The following ARAP1 variants were observed in gnomAD, a reference collection of about 807,000 sequenced individuals.
ARAP1 encodes ArfGAP with RhoGAP domain, ankyrin repeat and PH domain 1.
ARAP1 carries 76 observed loss-of-function variants against 172.2 expected under a neutral mutation model. The observed-to-expected ratio is 0.44, with a 90% CI of 0.37 to 0.53. The LOEUF is 0.53. Among genes scored for constraint, ARAP1 ranks in the 20% least tolerant of loss-of-function variants. The probability of loss-of-function intolerance (pLI) is 0.00; values close to 1 mark genes in which losing one functional copy is unlikely to be tolerated. For missense variants in ARAP1, 1,686 were observed against 1,977.5 expected (o/e 0.85, Z 2.80); for synonymous variants, 804 against 803.3 (o/e 1.00, Z -0.01).
At chr11:72,715,470 G>C (rs1241585209) in intron 3 of ARAP1, among the ~76,000 whole-genome samples, 3 of 152,206 alleles carry the variant, frequency 2.0e-5, no homozygotes, top group African/African-American at 7.2e-5. Context: ...TCTGCCTGGG[G>C]TGTGGTCATG....
chr11:72,711,705 T>TC (rs1480561269), intron 7 of ARAP1, among the ~76,000 whole-genome samples: 8 of 149,184 alleles, frequency 5.4e-5, no homozygotes, highest in African/African-American at 2.0e-4. Context: ...TTTTTTTTTT[T>TC]TTTTTTTTGA....
Position 72,701,730 on chromosome 11 carries a change from G to A in ARAP1, c.2221C>T (p.Leu741=). ...AAGCCACTGTGGCTCACGGTCGGCA[G>A]GACAACTGAGTAGTGCTTTTCCAGG... ...KPLEKHYSVV[L]PTVSHSGFLY... Residue 741 remains leucine (L), a synonymous_variant, in exon 16 of 35, where the codon CTG becomes TTG. Coordinates refer to ENST00000393609, the MANE Select transcript of ARAP1 (RefSeq NM_001040118.3). The A allele has an allele frequency of 6.2e-7, 1 of 1,614,018 alleles. No individual in the cohort carries two copies. Among genetic ancestry groups the A allele is most frequent in the African/African-American group, 1.3e-5 (1 of 75,038 alleles).
At position 72,693,366 on chromosome 11, in the gene ARAP1, T is replaced by C. The variant is rs1565210070; in HGVS notation, c.3913A>G (p.Ile1305Val). ...PSGGFHDRYF[I>V]LNSSCLRLYK... Reference sequence around the variant, plus strand: ...AGCCGCAAGCAGCTGCTGTTGAGGATGAAGTAGCGATCGTGGAAGCCACCT... The same window carrying C: ...AGCCGCAAGCAGCTGCTGTTGAGGACGAAGTAGCGATCGTGGAAGCCACCT... The change falls in exon 29 of 35, where the codon ATC (isoleucine) becomes GTC (valine). Residue 1305 changes from isoleucine to valine, a missense_variant. Ile to Val is a conservative substitution (Grantham distance 29). Coordinates refer to ENST00000393609, the MANE Select transcript of ARAP1 (RefSeq NM_001040118.3). The surrounding 1 kb of genome is among the most constrained non-coding windows in gnomAD (Gnocchi z 4.6). The C allele has an allele frequency of 2.5e-6, 4 of 1,613,822 alleles. No individual in the cohort carries two copies. In the South Asian group the frequency reaches 4.4e-5, roughly 18 times the overall value.
chr11:72,713,159 C>A lies in ARAP1; in HGVS notation c.747+17G>T, dbSNP rs758562139. On this transcript the variant is annotated intron_variant, in intron 5 of 34. Transcript: ENST00000393609. Reference sequence around the variant, plus strand: ...CACAACACCCTGACAGGCAGACAGTCCCATGCCTGGCCCCACCTTCTTGGT... The same window carrying A: ...CACAACACCCTGACAGGCAGACAGTACCATGCCTGGCCCCACCTTCTTGGT... The A allele has an allele frequency of 3.7e-6, 6 of 1,613,392 alleles. No individual in the cohort carries two copies. The African/African-American group carries it at 6.7e-5, about 18-fold the overall frequency.
At chr11:72,702,227 C>A (rs997386340) in intron 15 of ARAP1, among the ~76,000 whole-genome samples, 1 of 152,220 alleles carries the variant, frequency 6.6e-6, no homozygotes, top group Admixed American at 6.5e-5. Context: ...GATCTGTCCC[C>A]AAGCCCAAGC....
At chr11:72,709,746 T>G (rs916389531) in intron 11 of ARAP1, 124 bp downstream of exon 11, 1 of 969,168 alleles carries the variant, frequency 1.0e-6, no homozygotes, top group Non-Finnish European at 1.6e-6. Flanking sequence ...GCTCCACAGG[T>G]GGGGCAGGGC....
chr11:72,739,844 G>A (rs1223632793), intron 1 of ARAP1, among the ~76,000 whole-genome samples: 1 of 152,096 alleles, frequency 6.6e-6, no homozygotes, highest in African/African-American at 2.4e-5. Context: ...TGAGGTTCTC[G>A]GTTACCCCAG....
At chr11:72,694,586 C>A (rs1156249694) in intron 27 of ARAP1, among the ~76,000 whole-genome samples, 1 of 152,082 alleles carries the variant, frequency 6.6e-6, no homozygotes, top group Non-Finnish European at 1.5e-5. Context: ...TAGACTAATG[C>A]CTCCGTCCCA....
rs1857602118 is a variant in ARAP1 at position 72,723,781 on chromosome 11, C to A, written c.509+2839G>T. Among the ~76,000 whole-genome samples the A allele has an allele frequency of 2.0e-5, 3 of 152,206 alleles. No individual in the cohort carries two copies. In the South Asian group the frequency reaches 6.2e-4, roughly 32 times the overall value. ...ATATACTTCCCAAGGGCCTATTAGG[C>A]ATCCAGCACTGTTCTAGATGTTGGG... On this transcript the variant is annotated intron_variant, in intron 3 of 34. Transcript: ENST00000393609.
At chr11:72,706,931 A>T (rs573285936) in intron 12 of ARAP1, among the ~76,000 whole-genome samples, 1 of 152,120 alleles carries the variant, frequency 6.6e-6, no homozygotes, top group Non-Finnish European at 1.5e-5. Context: ...TTGCCAGGTG[A>T]CCCTGAACAA....
Position 72,697,906 on chromosome 11 carries a change from C to G in ARAP1, c.2737+5G>C, listed in dbSNP as rs547275619. ...AGGCTGGGGGCCCAGGTCTGGTCCA[C>G]GCACAAAGCTCCTGCAGTTTCCGTA... is the stretch of plus-strand genomic sequence containing the variant. On this transcript the variant is annotated splice_donor_5th_base_variant and intron_variant, in intron 19 of 34. Coordinates refer to ENST00000393609, the MANE Select transcript of ARAP1 (RefSeq NM_001040118.3). 6.3e-7 allele frequency: 1 copy of G among 1,588,184 alleles called. No individual in the cohort carries two copies. Among genetic ancestry groups the G allele is most frequent in the Non-Finnish European group, 8.6e-7 (1 of 1,165,268 alleles).
intron 3 of ARAP1, among the ~76,000 whole-genome samples, chr11:72,724,635 C>A (rs373656999): frequency 6.6e-6 from 1 of 152,068 alleles, no homozygotes; most frequent in Non-Finnish European, 1.5e-5. Context: ...TACCACAGGG[C>A]TTTGAAGACC....
Position 72,695,493 on chromosome 11 carries a change from T to C in ARAP1, c.3508-38A>G, listed in dbSNP as rs1229601879. ...AGGGCTCAGCTGGGGGCCTAGGAAA[T>C]GGGTGCAGGTGGCAGGTCCAAGCCC... On this transcript the variant is annotated intron_variant, in intron 25 of 34. Coordinates refer to ENST00000393609, the MANE Select transcript of ARAP1 (RefSeq NM_001040118.3). This position sits in a 1 kb window ranked among gnomAD's most constrained non-coding sequence, Gnocchi z 4.4. The C allele has an allele frequency of 1.2e-6, 2 of 1,614,162 alleles. No individual in the cohort carries two copies. The highest frequency in any genetic ancestry group is 1.6e-4 in the Middle Eastern group (1 of 6,062).
chr11:72,713,959 G>C (rs1187170180), intron 4 of ARAP1, among the ~76,000 whole-genome samples, 193 bp downstream of exon 4: 1 of 152,196 alleles, frequency 6.6e-6, no homozygotes, highest in East Asian at 1.9e-4. Context: ...AGGCCAGAGA[G>C]GTGGGTGCTG....
In ARAP1 at chr11:72,686,128, G is replaced by A. The variant is rs751956709; in HGVS notation, c.4249C>T (p.Leu1417=). 1 of 1,614,036 alleles carries A rather than the reference G, an allele frequency of 6.2e-7. No individual in the cohort carries two copies. The highest frequency in any genetic ancestry group is 8.5e-7 in the Non-Finnish European group (1 of 1,180,044). Residue 1417 remains leucine (L), a synonymous_variant, in exon 34 of 35, where the codon CTG becomes TTG. Coordinates refer to ENST00000393609, the MANE Select transcript of ARAP1 (RefSeq NM_001040118.3). ...AGGGGGATCAGTGACACACTACCCA[G>A]CCGGACCTCAGGCACTGCCCGGGAC... ...RVSRAVPEVR[L]GSVSLIPLRG...
Position 72,704,031 on chromosome 11 carries a change from T to G in ARAP1, c.1992+121A>C, listed in dbSNP as rs139027443. 5,876 of 1,335,682 alleles carry G rather than the reference T, an allele frequency of 4.4e-3. 21 individuals are homozygous for G. Among genetic ancestry groups the G allele is most frequent in the Non-Finnish European group, 5.5e-3 (5,276 of 964,216 alleles). 82.7% of individuals were successfully genotyped at this position (1,335,682 alleles called of 1,614,324 possible). A position where few individuals can be genotyped will look rare whatever the true frequency, so the allele number is the denominator to read the frequency against. On this transcript the variant is annotated intron_variant, in intron 14 of 34. Coordinates refer to ENST00000393609, the MANE Select transcript of ARAP1 (RefSeq NM_001040118.3). ...CCCTTCTGCCCTCCAAACATCAGTT[T>G]CCCCATATGCCAAGACATCTCCCTG... is the stretch of plus-strand genomic sequence containing the variant.
intron 31 of ARAP1, among the ~76,000 whole-genome samples, chr11:72,688,010 T>G (rs7946878): frequency 0.15 from 22,617 of 151,776 alleles, 2,211 homozygotes; most frequent in African/African-American, 0.28. Flanking sequence ...TGTTGTTGTT[T>G]TTTTTTTGAG....
chr11:72,687,409 A>G (rs1303429203), intron 33 of ARAP1, 30 bp downstream of exon 33: 1 of 1,613,668 alleles, frequency 6.2e-7, no homozygotes, highest in Non-Finnish European at 8.5e-7. Context: ...CCAGGGACCC[A>G]CCCCACACCC....
chr11:72,692,864 T>G, intron 29 of ARAP1, 79 bp from the exon 30 acceptor site: 1 of 1,576,248 alleles, frequency 6.3e-7, no homozygotes, highest in East Asian at 2.2e-5. Flanking sequence ...TGTGTGGGGT[T>G]GGGGTGTGTG....
Sources: gnomAD v4.1 joint callset for allele counts (sites outside exome capture counted in the v4.1 genomes callset) on GRCh38, gnomAD v4.1.1 for gene constraint, Gnocchi (gnomAD v3.1) non-coding constraint, MANE v1.5 for transcripts, NCBI Gene and HGNC (gene_info 2026-07-23, HGNC 2026-07-21) for gene names.